STX7: variants seen among roughly 807,000 people sequenced by gnomAD.
STX7 encodes syntaxin-7.
STX7 carries 34 observed loss-of-function variants against 39.6 expected under a neutral mutation model. That is an observed-to-expected ratio of 0.86 (90% CI 0.65 to 1.14). The LOEUF (loss-of-function observed/expected upper bound fraction) is 1.14, where lower values mean the gene tolerates loss of function less well. STX7 is among the 50% of genes most tolerant of loss of function. The pLI is 0.00. For synonymous variants in STX7, 119 were observed against 99.1 expected, an observed-to-expected ratio of 1.20 and a Z score of -1.19; for missense variants, 284 against 310.4, an observed-to-expected ratio of 0.92 and a Z score of 0.64.
In STX7 at chr6:132,500,471, T is replaced by C. The variant is rs73772510; in HGVS notation, c.85+2975A>G. ...CTGTCTGAAATGCCCTTTCTCTGAATCTTCTCACTACCAGTCCCTCCTCAT... is the reference window on the plus strand; with the variant it reads ...CTGTCTGAAATGCCCTTTCTCTGAACCTTCTCACTACCAGTCCCTCCTCAT... On this transcript the variant is annotated intron_variant, in intron 2 of 9. Coordinates refer to ENST00000367941, the MANE Select transcript of STX7 (RefSeq NM_003569.3). 1.7e-3 allele frequency among the ~76,000 whole-genome samples: 263 copies of C among 152,334 alleles called. 1 individual carries two copies. The highest frequency in any genetic ancestry group is 6.0e-3 in the African/African-American group (250 of 41,578).
chr6:132,473,845 A>G (rs1164368339), intron 3 of STX7, among the ~76,000 whole-genome samples: 1 of 152,154 alleles, frequency 6.6e-6, no homozygotes, highest in Admixed American at 6.6e-5. Flanking sequence ...AAGGGTAATT[A>G]AAATCTATTT....
In STX7 at chr6:132,495,955, T is replaced by C. The variant is rs140494828; in HGVS notation, c.85+7491A>G. 1.5e-3 allele frequency among the ~76,000 whole-genome samples: 227 copies of C among 152,314 alleles called. 1 individual carries two copies. Among genetic ancestry groups the C allele is most frequent in the African/African-American group, 5.3e-3 (220 of 41,570 alleles). ...TAAACTAAAGTCTATGCTGAACTAA[T>C]ACCTTTAATCTGTAGGAGAGATGAT... On this transcript the variant is annotated intron_variant, in intron 2 of 9. Transcript: ENST00000367941.
intron 2 of STX7, among the ~76,000 whole-genome samples, chr6:132,492,594 G>T (rs989670118): frequency 6.6e-6 from 1 of 152,116 alleles, no homozygotes; most frequent in Non-Finnish European, 1.5e-5. Context: ...TATACAGCAT[G>T]ATCCAAATAC....
At chr6:132,470,681 GA>G in intron 5 of STX7, 55 bp from the exon 6 acceptor site, 2 of 1,302,386 alleles carry the variant, frequency 1.5e-6, no homozygotes, top group Middle Eastern at 2.1e-4. Flanking sequence ...GCAAAAATGA[GA>G]AAAAATAAAC....
At chr6:132,500,052 T>C (rs1775517485) in intron 2 of STX7, among the ~76,000 whole-genome samples, 1 of 152,118 alleles carries the variant, frequency 6.6e-6, no homozygotes, top group African/African-American at 2.4e-5. Context: ...AACACACTCA[T>C]TGCTTCTCTC....
intron 1 of STX7, among the ~76,000 whole-genome samples, chr6:132,507,617 T>C (rs1775738618): frequency 1.3e-5 from 2 of 152,244 alleles, no homozygotes; most frequent in Admixed American, 6.5e-5. Context: ...AGTCCATCTG[T>C]GCTGTATCAT....
intron 6 of STX7, 81 bp from the exon 7 acceptor site, chr6:132,470,128 T>A: frequency 2.0e-6 from 2 of 999,060 alleles, no homozygotes; most frequent in Non-Finnish European, 2.8e-6. Context: ...TAAGATATAT[T>A]CATTAAATAG....
At chr6:132,508,386 C>T (rs778268634) in intron 1 of STX7, among the ~76,000 whole-genome samples, 1 of 152,240 alleles carries the variant, frequency 6.6e-6, no homozygotes, top group Admixed American at 6.5e-5. Context: ...AATCAATTTT[C>T]TTCATCCCTT....
At position 132,460,534 on chromosome 6, in the gene STX7, G is replaced by A. The variant is rs1774363918; in HGVS notation, c.*224C>T. On this transcript the variant is annotated 3_prime_UTR_variant, in exon 10 of 10. Coordinates refer to ENST00000367941, the MANE Select transcript of STX7 (RefSeq NM_003569.3). ...AAAACTTAACAACTATTAAATTGAA[G>A]ACCAAGGGAGTTATGTCAGCAGTGA... 2.7e-6 allele frequency: 1 copy of A among 364,836 alleles called. No homozygotes were observed. The highest frequency in any genetic ancestry group is 4.9e-6 in the Non-Finnish European group (1 of 203,580). 22.6% of individuals were successfully genotyped at this position (364,836 alleles called of 1,614,324 possible). A position where few individuals can be genotyped will look rare whatever the true frequency, so the allele number is the denominator to read the frequency against.
In STX7 at chr6:132,451,985, A is replaced by T. The variant is rs1562315818; in HGVS notation, c.*8773T>A. The T allele has an allele frequency of 6.6e-6, 1 of 152,194 alleles. No homozygotes were observed. Among genetic ancestry groups the T allele is most frequent in the African/African-American group, 2.4e-5 (1 of 41,468 alleles). 9.4% of individuals were successfully genotyped at this position (152,194 alleles called of 1,614,324 possible). Reference sequence around the variant, plus strand: ...ATGTCGCATTAAAACAGATGCAAAAATCCTTAACAAAATATTAGCCAAAAG... The same window carrying T: ...ATGTCGCATTAAAACAGATGCAAAATTCCTTAACAAAATATTAGCCAAAAG... On this transcript the variant is annotated 3_prime_UTR_variant, in exon 10 of 10. Coordinates refer to ENST00000367941, the MANE Select transcript of STX7 (RefSeq NM_003569.3).
chr6:132,473,327 C>CTGTGGA (rs1183050475), intron 3 of STX7, among the ~76,000 whole-genome samples: 7 of 152,104 alleles, frequency 4.6e-5, no homozygotes, highest in Admixed American at 4.6e-4. Context: ...TCCAGGACCC[C>CTGTGGA]TGTGGATACC....
At chr6:132,489,585 T>C (rs1270538835) in intron 2 of STX7, among the ~76,000 whole-genome samples, 1 of 152,092 alleles carries the variant, frequency 6.6e-6, no homozygotes, top group African/African-American at 2.4e-5. Flanking sequence ...AAAGCACTGA[T>C]CCAAACTGCA....
chr6:132,473,854 TTCTATC>T (rs1774802207), intron 3 of STX7, among the ~76,000 whole-genome samples: 2 of 152,102 alleles, frequency 1.3e-5, no homozygotes, highest in Admixed American at 6.6e-5. Context: ...TAAAATCTAT[TTCTATC>T]TCTATTTACC....
intron 2 of STX7, among the ~76,000 whole-genome samples, chr6:132,482,378 G>A (rs1261353223): frequency 2.0e-5 from 3 of 152,088 alleles, no homozygotes; most frequent in South Asian, 2.1e-4. Context: ...AGGGCTTATA[G>A]GAACATAAAT....
chr6:132,471,609 A>C lies in STX7; in HGVS notation c.250-9T>G. 1 of 1,606,212 alleles carries C rather than the reference A, an allele frequency of 6.2e-7. No homozygotes were observed. The highest frequency in any genetic ancestry group is 8.5e-7 in the Non-Finnish European group (1 of 1,177,718). On this transcript the variant is annotated splice_polypyrimidine_tract_variant and intron_variant, in intron 4 of 9. Coordinates refer to ENST00000367941, the MANE Select transcript of STX7 (RefSeq NM_003569.3). ...TGTATTTTCCTTTGACGCTAGAGGAAAGAGAAGAAAAAGCCAACTAGAATC... is the reference window on the plus strand; with the variant it reads ...TGTATTTTCCTTTGACGCTAGAGGACAGAGAAGAAAAAGCCAACTAGAATC...
At chr6:132,488,325 T>C (rs564317520) in intron 2 of STX7, among the ~76,000 whole-genome samples, 1 of 152,340 alleles carries the variant, frequency 6.6e-6, no homozygotes, top group African/African-American at 2.4e-5. Flanking sequence ...TTAATAAATG[T>C]TCTGGGTGCA....
Position 132,475,676 on chromosome 6 carries a change from A to G in STX7, c.86-14T>C. On this transcript the variant is annotated splice_polypyrimidine_tract_variant and intron_variant, in intron 2 of 9. Transcript: ENST00000367941. ...GTATTTCCACAGCTATTATAATAGAAAATTCATGTATTAATTGTCACAAAA... is the reference window on the plus strand; with the variant it reads ...GTATTTCCACAGCTATTATAATAGAGAATTCATGTATTAATTGTCACAAAA... 6.4e-7 allele frequency: 1 copy of G among 1,571,140 alleles called. No individual in the cohort carries two copies. The highest frequency in any genetic ancestry group is 1.4e-5 in the African/African-American group (1 of 73,896).
At position 132,460,682 on chromosome 6, in the gene STX7, A is replaced by G; in HGVS notation, c.*76T>C. 8.6e-7 allele frequency: 1 copy of G among 1,168,948 alleles called. No homozygotes were observed. Among genetic ancestry groups the G allele is most frequent in the Non-Finnish European group, 1.2e-6 (1 of 812,316 alleles). 72.4% of individuals were successfully genotyped at this position (1,168,948 alleles called of 1,614,324 possible). A position where few individuals can be genotyped will look rare whatever the true frequency, so the allele number is the denominator to read the frequency against. Reference sequence around the variant, plus strand: ...TTTATACAATAGCTTTAAAATAATAATTAAAAAAACATGATTACAGGAATC... The same window carrying G: ...TTTATACAATAGCTTTAAAATAATAGTTAAAAAAACATGATTACAGGAATC... On this transcript the variant is annotated 3_prime_UTR_variant, in exon 10 of 10. Coordinates refer to ENST00000367941, the MANE Select transcript of STX7 (RefSeq NM_003569.3).
chr6:132,471,668 G>A (rs1331667860), intron 4 of STX7, 68 bp from the exon 5 acceptor site: 21 of 1,577,032 alleles, frequency 1.3e-5, no homozygotes, highest in Non-Finnish European at 1.7e-5. Flanking sequence ...TGCGGTAGTT[G>A]GCTCTTTATT....
Sources: gnomAD v4.1 joint callset for allele counts (sites outside exome capture counted in the v4.1 genomes callset) on GRCh38, gnomAD v4.1.1 for gene constraint, MANE v1.5 for transcripts, NCBI Gene and HGNC (gene_info 2026-07-23, HGNC 2026-07-21) for gene names.